The following TASOR2 variants were observed in gnomAD, a reference collection of about 807,000 sequenced individuals.
The protein encoded by TASOR2 is transcription activation suppressor family member 2.
A neutral mutation model predicts 199.5 loss-of-function variants in TASOR2; 84 were observed. The observed-to-expected ratio is 0.42, with a 90% CI of 0.35 to 0.50. The LOEUF is 0.50. TASOR2 is among the 20% of genes least tolerant of loss of function. The pLI, the probability that TASOR2 is intolerant of heterozygous loss-of-function variation, is 0.02. For missense variants in TASOR2, 2,796 were observed against 2,835.9 expected, an observed-to-expected ratio of 0.99 and a Z score of 0.32; for synonymous variants, 1,103 against 1,046.6, an observed-to-expected ratio of 1.05 and a Z score of -1.04.
In TASOR2 at chr10:5,730,816, G is replaced by C; in HGVS notation, c.817G>C (p.Glu273Gln). 6.2e-7 allele frequency: 1 copy of C among 1,614,104 alleles called. No homozygotes were observed. Among genetic ancestry groups the C allele is most frequent in the Non-Finnish European group, 8.5e-7 (1 of 1,180,032 alleles). The change falls in exon 11 of 21, where the codon GAA becomes CAA. Residue 273 changes from glutamate (E) to glutamine (Q), a missense_variant. Glu to Gln is a conservative substitution (Grantham distance 29). This residue lies in a region of TASOR2 where 847 missense variants were observed against 887.4 expected (regional missense o/e 0.95). Transcript: ENST00000328090. The surrounding 1 kb of genome is among the most constrained non-coding windows in gnomAD (Gnocchi z 4.1). ...TTCAGACCCTAGTGCTTACATTTTG[G>C]AAGTGTCTACTGCTTTGGACTTGCT... is the stretch of plus-strand genomic sequence containing the variant.
At chr10:5,735,332 A>G (rs1330324670) in exon 12 of TASOR2, 2 of 1,614,116 alleles carry the variant, frequency 1.2e-6, no homozygotes, top group South Asian at 1.1e-5. Flanking sequence ...CACAGTTTGT[A>G]CAGAAAACCA....
At chr10:5,759,494 A>G (rs912582561) in intron 18 of TASOR2, among the ~76,000 whole-genome samples, 10 of 152,244 alleles carry the variant, frequency 6.6e-5, no homozygotes, top group African/African-American at 2.4e-4. Context: ...TGGGGCTGAG[A>G]GATTCCTCCA....
intron 1 of TASOR2, among the ~76,000 whole-genome samples, chr10:5,708,694 C>T: frequency 8.1e-6 from 1 of 124,218 alleles, no homozygotes; most frequent in South Asian, 2.9e-4. Context: ...TCCTTCCTTT[C>T]TTTCCTTTCC....
chr10:5,688,814 G>A (rs1026767494), intron 1 of TASOR2, among the ~76,000 whole-genome samples: 3 of 151,830 alleles, frequency 2.0e-5, no homozygotes, highest in African/African-American at 7.3e-5. Context: ...GACCAGCCTG[G>A]GCAACATAGT....
At position 5,756,891 on chromosome 10, in the gene TASOR2, G is replaced by A. The variant is rs150689463; in HGVS notation, c.6732+153G>A. The stretch of plus-strand genomic sequence containing the variant: ...GGAAGATGGTGTATTATAGAATACT[G>A]CAATATTACCAAGTTATTTGTAGGG... On this transcript the variant is annotated intron_variant, in intron 16 of 20. Coordinates refer to ENST00000328090, the Ensembl canonical transcript of TASOR2. 1.2e-3 allele frequency among the ~76,000 whole-genome samples: 187 copies of A among 152,164 alleles called. 3 individuals are homozygous for A. The East Asian group carries it at 0.027, about 22-fold the overall frequency.
chr10:5,701,851 A>AT lies in TASOR2; in HGVS notation c.-287-10965dup, dbSNP rs1012407166. Among the ~76,000 whole-genome samples the AT allele has an allele frequency of 1.3e-5, 2 of 152,014 alleles. No homozygotes were observed. The highest frequency in any genetic ancestry group is 4.8e-5 in the African/African-American group (2 of 41,398). On this transcript the variant is annotated intron_variant, in intron 1 of 20. Coordinates refer to ENST00000328090, the Ensembl canonical transcript of TASOR2. The surrounding 1 kb of genome is among the most constrained non-coding windows in gnomAD (Gnocchi z 4.9). Reference sequence around the variant, plus strand: ...CTGAATTTGTTTATCAGTTCTAACAATTTTTTTGGTGGAGTCCAGGTTTTT... The same window carrying AT: ...CTGAATTTGTTTATCAGTTCTAACAATTTTTTTTGGTGGAGTCCAGGTTTTT...
At chr10:5,763,588 AAG>A (rs1840196706) in exon 21 of TASOR2, 1 of 152,220 alleles carries the variant, frequency 6.6e-6, no homozygotes, top group Admixed American at 6.5e-5. Flanking sequence ...CTTTCTGAGA[AAG>A]AAATAATCAT....
At chr10:5,733,867 G>A (rs186537937) in intron 11 of TASOR2, among the ~76,000 whole-genome samples, 4 of 151,856 alleles carry the variant, frequency 2.6e-5, no homozygotes, top group African/African-American at 9.7e-5. Context: ...AAAAAAATAC[G>A]CTGCTTTAGT....
In TASOR2 at chr10:5,738,803, TAAC is replaced by T. The variant is rs1835974593; in HGVS notation, c.1448-813_1448-811del. ...GAGTTGTGAAGTTTATCCTTCATAATAACAGCATTTAGGAAGGAATAATGAATA... is the reference window on the plus strand; with the variant it reads ...GAGTTGTGAAGTTTATCCTTCATAATAGCATTTAGGAAGGAATAATGAATA... On this transcript the variant is annotated intron_variant, in intron 12 of 20. Transcript: ENST00000328090. This position sits in a 1 kb window ranked among gnomAD's most constrained non-coding sequence, Gnocchi z 4.7. 6.6e-6 allele frequency among the ~76,000 whole-genome samples: 1 copy of T among 152,144 alleles called. No individual in the cohort carries two copies. Among genetic ancestry groups the T allele is most frequent in the South Asian group, 2.1e-4 (1 of 4,836 alleles).
In TASOR2 at chr10:5,709,409, G is replaced by A. The variant is rs372482909; in HGVS notation, c.-287-3414G>A. On this transcript the variant is annotated intron_variant, in intron 1 of 20. Transcript: ENST00000328090. The stretch of plus-strand genomic sequence containing the variant: ...TTAGCTGAGAATACTTGTCAAAGGA[G>A]GTAAATAAATATTACATAATTATTC... The A allele has an allele frequency of 1.2e-5, 7 of 581,852 alleles. No homozygotes were observed. In the African/African-American group the frequency reaches 1.3e-4, roughly 11 times the overall value. The allele number at this position is 581,852 out of a possible 1,614,324, so 36.0% of individuals were successfully genotyped here. A position where few individuals can be genotyped will look rare whatever the true frequency, so the allele number is the denominator to read the frequency against.
At chr10:5,745,458 A>G (rs567832956) in intron 14 of TASOR2, among the ~76,000 whole-genome samples, 15 of 152,220 alleles carry the variant, frequency 9.9e-5, no homozygotes, top group African/African-American at 3.6e-4. Context: ...TTGAAAACGG[A>G]TGTTAAAAAT....
chr10:5,692,800 G>A (rs1836613625), intron 1 of TASOR2: 1 of 152,168 alleles, frequency 6.6e-6, no homozygotes, highest in Non-Finnish European at 1.5e-5. Context: ...CGCCCTACAC[G>A]CTCAGCACGC....
intron 14 of TASOR2, among the ~76,000 whole-genome samples, chr10:5,743,561 CTATG>C (rs1403083660): frequency 6.6e-6 from 1 of 152,098 alleles, no homozygotes; most frequent in Non-Finnish European, 1.5e-5. Flanking sequence ...TAAATGTTAA[CTATG>C]TATGTGCTTT....
intron 10 of TASOR2, among the ~76,000 whole-genome samples, chr10:5,728,731 G>A (rs1000238430): frequency 2.6e-5 from 4 of 152,050 alleles, no homozygotes; most frequent in African/African-American, 7.2e-5. Flanking sequence ...AATTGGCAGC[G>A]ACCGTTTGCA....
chr10:5,755,726 C>T (rs943445206), intron 15 of TASOR2, among the ~76,000 whole-genome samples: 5 of 151,882 alleles, frequency 3.3e-5, no homozygotes, highest in South Asian at 4.2e-4. Flanking sequence ...GGTTCATGCC[C>T]GGAATCCTAG....
chr10:5,705,031 A>G (rs1396146409), intron 1 of TASOR2, among the ~76,000 whole-genome samples: 3 of 152,348 alleles, frequency 2.0e-5, no homozygotes, highest in Non-Finnish European at 4.4e-5. Context: ...TAAAATGAAC[A>G]TAATTTAAGT....
rs1055984996 is a variant in TASOR2, at chr10:5,752,977, C to T, written c.6606+2950C>T. On this transcript the variant is annotated intron_variant, in intron 15 of 20. Coordinates refer to ENST00000328090, the Ensembl canonical transcript of TASOR2. This position sits in a 1 kb window ranked among gnomAD's most constrained non-coding sequence, Gnocchi z 4.4. Reference sequence around the variant, plus strand: ...AGGTTTTTTCCTCCTAACCACTAGACCGCCAGAGATGAAGTTTTCTAAAAG... The same window carrying T: ...AGGTTTTTTCCTCCTAACCACTAGATCGCCAGAGATGAAGTTTTCTAAAAG... 4.6e-5 allele frequency among the ~76,000 whole-genome samples: 7 copies of T among 152,158 alleles called. No individual in the cohort carries two copies. Among genetic ancestry groups the T allele is most frequent in the African/African-American group, 1.7e-4 (7 of 41,432 alleles).
chr10:5,725,226 T>C (rs1007450630), intron 8 of TASOR2, among the ~76,000 whole-genome samples: 1 of 151,636 alleles, frequency 6.6e-6, no homozygotes, highest in African/African-American at 2.4e-5. Context: ...GGTGAAACCC[T>C]GTCTGTACTA....
chr10:5,697,668 A>G (rs930007766), intron 1 of TASOR2, among the ~76,000 whole-genome samples: 1 of 152,184 alleles, frequency 6.6e-6, no homozygotes, highest in Non-Finnish European at 1.5e-5. Context: ...TTTGGAGATT[A>G]GATAAGGAAC....
Sources: allele counts gnomAD v4.1 joint callset (sites outside exome capture counted in the v4.1 genomes callset), GRCh38; gene constraint gnomAD v4.1.1; regional missense constraint gnomAD v4.1.1; non-coding constraint Gnocchi (gnomAD v3.1); transcripts MANE v1.5; gene names NCBI Gene and HGNC (gene_info 2026-07-23, HGNC 2026-07-21).